The following INPP4B variants were observed in gnomAD, a reference collection of about 807,000 sequenced individuals.
INPP4B encodes inositol polyphosphate-4-phosphatase type II B.
INPP4B carries 55 observed loss-of-function variants against 122.5 expected under a neutral mutation model. That is an observed-to-expected ratio of 0.45 (90% CI 0.36 to 0.56). The LOEUF is 0.56. Among genes scored for constraint, INPP4B ranks in the 20% least tolerant of loss-of-function variants. INPP4B has a pLI of 0.00. For synonymous variants in INPP4B, 403 were observed against 388.7 expected, an observed-to-expected ratio of 1.04 and a Z score of -0.43; for missense variants, 1,000 against 1,097.7, an observed-to-expected ratio of 0.91 and a Z score of 1.26.
At chr4:142,667,246 C>T (rs1362952532) in intron 2 of INPP4B, among the ~76,000 whole-genome samples, 2 of 152,198 alleles carry the variant, frequency 1.3e-5, no homozygotes, top group African/African-American at 2.4e-5. Context: ...CCAGCCTTCA[C>T]ATTTTAGTTT....
chr4:142,216,705 C>G (rs542261644), intron 12 of INPP4B, among the ~76,000 whole-genome samples: 2 of 152,260 alleles, frequency 1.3e-5, no homozygotes, highest in South Asian at 4.1e-4. Flanking sequence ...ATACTCCGAA[C>G]CTTCCACAAT....
At chr4:142,154,164 T>C (rs1286442778) in intron 17 of INPP4B, among the ~76,000 whole-genome samples, 1 of 151,910 alleles carries the variant, frequency 6.6e-6, no homozygotes, top group Non-Finnish European at 1.5e-5. Context: ...CTCCTCCTTT[T>C]AAGATTAACA....
intron 12 of INPP4B, among the ~76,000 whole-genome samples, chr4:142,215,279 C>A (rs1352065962): frequency 6.6e-6 from 1 of 152,088 alleles, no homozygotes; most frequent in Non-Finnish European, 1.5e-5. Context: ...TTCTCTACTG[C>A]ACAACAAAGA....
At chr4:142,752,620 G>A (rs1465563699) in intron 1 of INPP4B, among the ~76,000 whole-genome samples, 1 of 152,030 alleles carries the variant, frequency 6.6e-6, no homozygotes, top group Non-Finnish European at 1.5e-5. Context: ...TTTTGTCCTT[G>A]GAAGAGTTAC....
intron 2 of INPP4B, among the ~76,000 whole-genome samples, chr4:142,610,412 T>C (rs1438377688): frequency 6.6e-6 from 1 of 152,164 alleles, no homozygotes; most frequent in Non-Finnish European, 1.5e-5. Context: ...TAACCTCAAA[T>C]AGCCATCTGA....
At chr4:142,729,765 G>C (rs1170839343) in intron 1 of INPP4B, among the ~76,000 whole-genome samples, 3 of 152,140 alleles carry the variant, frequency 2.0e-5, no homozygotes, top group Non-Finnish European at 2.9e-5. Context: ...GCTGAGACCA[G>C]TTCAGTTGCT....
intron 5 of INPP4B, among the ~76,000 whole-genome samples, chr4:142,428,899 A>G (rs571675994): frequency 6.6e-6 from 1 of 152,024 alleles, no homozygotes; most frequent in Non-Finnish European, 1.5e-5. Context: ...AAATGCAGTC[A>G]CTACGTTAGA....
intron 9 of INPP4B, among the ~76,000 whole-genome samples, chr4:142,272,234 G>C (rs1050376797): frequency 1.3e-5 from 2 of 151,816 alleles, no homozygotes; most frequent in African/African-American, 4.8e-5. Flanking sequence ...TCTATGAGTA[G>C]TTTACCAAAA....
rs1818023490 is a variant in INPP4B, at chr4:142,467,539, G to GT, written c.-190-4814dup. On this transcript the variant is annotated intron_variant, in intron 2 of 25. Coordinates refer to ENST00000262992, the MANE Select transcript of INPP4B (RefSeq NM_001101669.3). ...AGAGTAAATAACTAGTTTTTTTTTT[G>GT]TTTTTTGTTTTTTGTTTTTTCAAAT... Among the ~76,000 whole-genome samples the GT allele has an allele frequency of 3.7e-5, 5 of 136,770 alleles. No individual in the cohort carries two copies. The South Asian group carries it at 1.2e-3, about 33-fold the overall frequency. 89.7% of individuals were successfully genotyped at this position (136,770 alleles called of 152,430 possible). A position where few individuals can be genotyped will look rare whatever the true frequency, so the allele number is the denominator to read the frequency against.
intron 18 of INPP4B, among the ~76,000 whole-genome samples, chr4:142,140,200 A>C (rs1033486948): frequency 5.9e-5 from 9 of 152,262 alleles, no homozygotes; most frequent in African/African-American, 2.2e-4. Context: ...CTTTGAAAGA[A>C]GCAGTGATGA....
intron 5 of INPP4B, among the ~76,000 whole-genome samples, chr4:142,412,204 A>G (rs1161652311): frequency 1.3e-5 from 2 of 152,214 alleles, no homozygotes; most frequent in Admixed American, 6.5e-5. Flanking sequence ...AACATTCTAT[A>G]CCAGTGATTA....
At position 142,619,049 on chromosome 4, in the gene INPP4B, C is replaced by CACCT. The variant is rs1462792638; in HGVS notation, c.-191+106786_-191+106789dup. Among the ~76,000 whole-genome samples the CACCT allele has an allele frequency of 2.6e-5, 4 of 152,074 alleles. No homozygotes were observed. The South Asian group carries it at 8.3e-4, about 31-fold the overall frequency. On this transcript the variant is annotated intron_variant, in intron 2 of 25. Transcript: ENST00000262992. ...AACACCACATTGAGATGTCACCTTA[C>CACCT]ACCTCTTAAGATGGTTTTTATCGAA...
intron 2 of INPP4B, among the ~76,000 whole-genome samples, chr4:142,463,962 C>T (rs572422472): frequency 7.9e-5 from 12 of 152,168 alleles, no homozygotes; most frequent in Non-Finnish European, 1.5e-4. Flanking sequence ...ATTAGTAAAA[C>T]GATCAGCCTA....
chr4:142,650,645 G>A (rs1752745059), intron 2 of INPP4B, among the ~76,000 whole-genome samples: 1 of 151,890 alleles, frequency 6.6e-6, no homozygotes, highest in Non-Finnish European at 1.5e-5. Context: ...CAATGGTAAA[G>A]GGATCAATTC....
intron 18 of INPP4B, among the ~76,000 whole-genome samples, chr4:142,130,207 C>A (rs992744557): frequency 9.2e-5 from 14 of 152,158 alleles, no homozygotes; most frequent in Admixed American, 5.2e-4. Flanking sequence ...AGGTAGTAGA[C>A]ACCCACAGTG....
intron 1 of INPP4B, among the ~76,000 whole-genome samples, chr4:142,833,450 T>A (rs1373490960): frequency 6.6e-6 from 1 of 152,128 alleles, no homozygotes; most frequent in Non-Finnish European, 1.5e-5. Context: ...TCCTAAATGA[T>A]CTTTGAGTAT....
intron 25 of INPP4B, among the ~76,000 whole-genome samples, chr4:142,072,555 T>C (rs1441881214): frequency 6.6e-6 from 1 of 151,660 alleles, no homozygotes; most frequent in Non-Finnish European, 1.5e-5. Context: ...TTTTTTTTTT[T>C]TACCTTTCCT....
intron 1 of INPP4B, among the ~76,000 whole-genome samples, chr4:142,823,236 C>T (rs543127660): frequency 6.6e-6 from 1 of 152,190 alleles, no homozygotes. Flanking sequence ...ATATTTTCCC[C>T]AAGATATTAA....
At chr4:142,523,439 C>A (rs867888511) in intron 2 of INPP4B, among the ~76,000 whole-genome samples, 27 of 151,972 alleles carry the variant, frequency 1.8e-4, no homozygotes, top group African/African-American at 6.3e-4. Flanking sequence ...TTTTCTGATG[C>A]CTTTACTTGC....
Sources: allele counts gnomAD v4.1 joint callset (sites outside exome capture counted in the v4.1 genomes callset), GRCh38; gene constraint gnomAD v4.1.1; transcripts MANE v1.5; gene names NCBI Gene and HGNC (gene_info 2026-07-23, HGNC 2026-07-21).